ELAPOR2: variants seen among roughly 807,000 people sequenced by gnomAD.
ELAPOR2 encodes the protein endosome-lysosome associated apoptosis and autophagy regulator family member 2.
A neutral mutation model predicts 120.7 loss-of-function variants in ELAPOR2; 89 were observed. The ratio of observed to expected loss-of-function variants is 0.74; its 90% CI spans 0.62 to 0.88. The LOEUF (loss-of-function observed/expected upper bound fraction) is 0.88. ELAPOR2 is among the 40% of genes least tolerant of loss of function. The pLI, the probability that ELAPOR2 is intolerant of heterozygous loss-of-function variation, is 0.00. For missense variants in ELAPOR2, 1,134 were observed against 1,251.6 expected, an observed-to-expected ratio of 0.91 and a Z score of 1.42; for synonymous variants, 444 against 444.9, an observed-to-expected ratio of 1.00 and a Z score of 0.03.
intron 1 of ELAPOR2, among the ~76,000 whole-genome samples, chr7:86,976,581 A>T (rs1196633934): frequency 6.6e-6 from 1 of 152,194 alleles, no homozygotes; most frequent in East Asian, 1.9e-4. Flanking sequence ...CACAAAAGAT[A>T]AAAACAGCCA....
In ELAPOR2 at chr7:86,893,013, C is replaced by T. The variant is rs1483304109; in HGVS notation, c.2773G>A (p.Asp925Asn). The stretch of plus-strand genomic sequence containing the variant: ...CCGGCTCCCACCTTCAGCCAAAAGT[C>T]AACCGTTTCACAGGTTGCCAACTTT... ...EKKLATCETV[D>N]FWLKVGAGVG... The change falls in exon 20 of 22, where the codon GAC becomes AAC. Residue 925 changes from aspartate (D) to asparagine (N), a missense_variant. Asp to Asn is a conservative substitution (Grantham distance 23, BLOSUM62 1). Around this residue, in one of 3 missense-constraint regions of ELAPOR2, gnomAD observed 831 missense variants for 867.6 expected, o/e 0.96. Coordinates refer to ENST00000450689, the MANE Select transcript of ELAPOR2 (RefSeq NM_001142749.3). The T allele has an allele frequency of 1.3e-6, 2 of 1,586,178 alleles. No individual in the cohort carries two copies. The highest frequency in any genetic ancestry group is 1.7e-6 in the Non-Finnish European group (2 of 1,170,362).
intron 1 of ELAPOR2, among the ~76,000 whole-genome samples, chr7:87,015,680 C>T (rs544293355): frequency 2.0e-5 from 3 of 152,114 alleles, no homozygotes; most frequent in South Asian, 2.1e-4. Flanking sequence ...CCCAGCTACT[C>T]GGGAGGCTGA....
intron 18 of ELAPOR2, among the ~76,000 whole-genome samples, chr7:86,905,198 G>A (rs1788948062): frequency 6.6e-6 from 1 of 150,380 alleles, no homozygotes; most frequent in East Asian, 1.9e-4. Context: ...GAGAGAGAGA[G>A]AGAGAGAAAG....
In ELAPOR2 at chr7:86,892,941, A is replaced by C; in HGVS notation, c.2845T>G (p.Phe949Val). The change falls in exon 20 of 22, where the codon TTC (phenylalanine) becomes GTC (valine). Residue 949 changes from phenylalanine (F) to valine (V), a missense_variant. Coordinates refer to ENST00000450689, the MANE Select transcript of ELAPOR2 (RefSeq NM_001142749.3). ...ACTTACTTTTGATTCTTTTTCCAGA[A>C]GTAGCAGGTCAGAGCCACCAGCAAA... The part of the protein sequence containing the change: ...AVLLVALTCY[F>V]WKKNQKLEYK... 6.5e-7 allele frequency: 1 copy of C among 1,547,886 alleles called. No individual in the cohort carries two copies. Among genetic ancestry groups the C allele is most frequent in the Non-Finnish European group, 8.6e-7 (1 of 1,157,968 alleles).
intron 19 of ELAPOR2, among the ~76,000 whole-genome samples, chr7:86,893,685 G>T (rs1040370630): frequency 6.6e-6 from 1 of 151,980 alleles, no homozygotes; most frequent in Non-Finnish European, 1.5e-5. Context: ...CCAAAATAAG[G>T]AGGGCATTAT....
chr7:87,030,786 T>C (rs998249992), intron 1 of ELAPOR2, among the ~76,000 whole-genome samples: 22 of 152,258 alleles, frequency 1.4e-4, no homozygotes, highest in African/African-American at 5.1e-4. Flanking sequence ...TCTCGTTATA[T>C]AGTCCACCAG....
At chr7:87,011,221 T>TCGCACCACTGCACTCCA (rs56074608) in intron 1 of ELAPOR2, among the ~76,000 whole-genome samples, 11 of 138,172 alleles carry the variant, frequency 8.0e-5, no homozygotes, top group African/African-American at 2.4e-4. Context: ...TGAGCCAAGA[T>TCGCACCACTGCACTCCA]GCATGGCGAC....
chr7:86,908,917 T>C (rs1225043940), intron 16 of ELAPOR2, among the ~76,000 whole-genome samples: 2 of 152,100 alleles, frequency 1.3e-5, no homozygotes, highest in Non-Finnish European at 2.9e-5. Context: ...GCTACTTTGC[T>C]AATACAGCTT....
At position 86,895,148 on chromosome 7, in the gene ELAPOR2, G is replaced by T. The variant is rs538963674; in HGVS notation, c.2686-2048C>A. On this transcript the variant is annotated intron_variant, in intron 19 of 21. Coordinates refer to ENST00000450689, the MANE Select transcript of ELAPOR2 (RefSeq NM_001142749.3). Reference sequence around the variant, plus strand: ...GTAAATATACCCATTGCAATATTTTGCAATAACTATTTTTCTTCTATCACG... The same window carrying T: ...GTAAATATACCCATTGCAATATTTTTCAATAACTATTTTTCTTCTATCACG... 5.9e-5 allele frequency among the ~76,000 whole-genome samples: 9 copies of T among 152,162 alleles called. No individual in the cohort carries two copies. In the East Asian group the frequency reaches 1.7e-3, roughly 29 times the overall value.
chr7:86,942,208 A>G, intron 4 of ELAPOR2, 104 bp from the exon 5 acceptor site: 2 of 604,198 alleles, frequency 3.3e-6, no homozygotes, highest in Non-Finnish European at 6.0e-6. Context: ...ATACCTTCTA[A>G]ACAATGGCCA....
At chr7:86,884,047 T>C (rs1799570283) in intron 21 of ELAPOR2, among the ~76,000 whole-genome samples, 1 of 152,174 alleles carries the variant, frequency 6.6e-6, no homozygotes, top group Non-Finnish European at 1.5e-5. Context: ...ACAAATATAA[T>C]AAAATTTGTA....
At chr7:87,052,979 G>T (rs953424434) in intron 1 of ELAPOR2, among the ~76,000 whole-genome samples, 5 of 151,648 alleles carry the variant, frequency 3.3e-5, no homozygotes, top group African/African-American at 1.2e-4. Context: ...TTATTTTTTT[G>T]TAGAGACAGG....
intron 8 of ELAPOR2, among the ~76,000 whole-genome samples, chr7:86,931,938 T>C (rs1044336727): frequency 1.3e-5 from 2 of 151,956 alleles, no homozygotes; most frequent in African/African-American, 4.8e-5. Context: ...AACCATCTTT[T>C]TCTCTTTGGG....
chr7:86,943,562 A>T (rs1296071419), intron 4 of ELAPOR2, among the ~76,000 whole-genome samples: 2 of 152,006 alleles, frequency 1.3e-5, no homozygotes, highest in African/African-American at 4.8e-5. Context: ...GATTATAACC[A>T]GAACAAAGGC....
At chr7:86,943,994 C>T (rs1487394673) in intron 4 of ELAPOR2, among the ~76,000 whole-genome samples, 1 of 152,042 alleles carries the variant, frequency 6.6e-6, no homozygotes. Flanking sequence ...GACTTCAAAT[C>T]TAAAGCTCAT....
intron 7 of ELAPOR2, among the ~76,000 whole-genome samples, 158 bp from the exon 8 acceptor site, chr7:86,938,372 C>T (rs1238043256): frequency 6.6e-6 from 1 of 152,072 alleles, no homozygotes; most frequent in Non-Finnish European, 1.5e-5. Context: ...TAAATGCCTA[C>T]ATTTTTATTT....
intron 5 of ELAPOR2, among the ~76,000 whole-genome samples, chr7:86,941,746 A>G (rs1790803826): frequency 6.6e-6 from 1 of 151,982 alleles, no homozygotes; most frequent in Non-Finnish European, 1.5e-5. Context: ...AAATTAGACT[A>G]CAATGGGAAG....
chr7:86,970,631 A>G (rs538316287), intron 1 of ELAPOR2, among the ~76,000 whole-genome samples: 1 of 152,316 alleles, frequency 6.6e-6, no homozygotes, highest in South Asian at 2.1e-4. Context: ...AAGCAGGAGA[A>G]TACTTAATGC....
At chr7:87,040,929 G>C (rs1358407423) in intron 1 of ELAPOR2, among the ~76,000 whole-genome samples, 1 of 151,980 alleles carries the variant, frequency 6.6e-6, no homozygotes, top group Non-Finnish European at 1.5e-5. Flanking sequence ...GGAGCTGATG[G>C]AGCTGAAAAC....
Sources: allele counts gnomAD v4.1 joint callset (sites outside exome capture counted in the v4.1 genomes callset), GRCh38; gene constraint gnomAD v4.1.1; regional missense constraint gnomAD v4.1.1; transcripts MANE v1.5; gene names NCBI Gene and HGNC (gene_info 2026-07-23, HGNC 2026-07-21).